Variants in EYS observed in about 807,000 individuals in gnomAD.
EYS encodes EGF-like photoreceptor maintenance factor, also known as protein eyes shut homolog.
EYS carries 250 observed loss-of-function variants against 282.1 expected under a neutral mutation model. The ratio of observed to expected loss-of-function variants is 0.89; its 90% CI spans 0.80 to 0.98. EYS has a LOEUF of 0.98. Among genes scored for constraint, EYS ranks in the 50% least tolerant of loss-of-function variants. EYS has a pLI of 0.00. For missense variants in EYS, 4,016 were observed against 3,709.0 expected, an observed-to-expected ratio of 1.08 and a Z score of -2.15; for synonymous variants, 1,355 against 1,282.9, an observed-to-expected ratio of 1.06 and a Z score of -1.20.
At chr6:65,613,696 A>G (rs1448889000) in intron 2 of EYS, among the ~76,000 whole-genome samples, 2 of 151,898 alleles carry the variant, frequency 1.3e-5, no homozygotes, top group Non-Finnish European at 3.0e-5. Flanking sequence ...CCATGTGTAC[A>G]ACAGAATGTA....
At chr6:64,114,825 G>A (rs1773320970) in intron 31 of EYS, among the ~76,000 whole-genome samples, 1 of 152,054 alleles carries the variant, frequency 6.6e-6, no homozygotes, top group Non-Finnish European at 1.5e-5. Context: ...GTAACCAAGA[G>A]CTGCTATAGT....
At chr6:65,567,842 C>A (rs1413810572) in intron 2 of EYS, among the ~76,000 whole-genome samples, 1 of 152,036 alleles carries the variant, frequency 6.6e-6, no homozygotes, top group African/African-American at 2.4e-5. Context: ...TCTCTGGACC[C>A]TTAACTGAAC....
intron 12 of EYS, among the ~76,000 whole-genome samples, chr6:65,218,005 T>C (rs113160447): frequency 0.011 from 1,632 of 152,202 alleles, 32 homozygotes; most frequent in African/African-American, 0.037. Flanking sequence ...TGGTAACCTT[T>C]ACTGAGGATG....
At chr6:65,017,016 A>C (rs1772077850) in intron 13 of EYS, among the ~76,000 whole-genome samples, 1 of 152,166 alleles carries the variant, frequency 6.6e-6, no homozygotes, top group Non-Finnish European at 1.5e-5. Context: ...TAGAAATTTT[A>C]TGTAAACCAA....
chr6:63,986,597 TA>T (rs1767378975), intron 34 of EYS, among the ~76,000 whole-genome samples: 1 of 151,650 alleles, frequency 6.6e-6, no homozygotes, highest in African/African-American at 2.4e-5. Flanking sequence ...TATGCAGCCA[TA>T]AAAAAGAATG....
chr6:64,493,514 T>C (rs142689554), intron 26 of EYS, among the ~76,000 whole-genome samples: 2 of 151,740 alleles, frequency 1.3e-5, no homozygotes, highest in Non-Finnish European at 3.0e-5. Flanking sequence ...GTACTTTACA[T>C]ATAGATGATC....
rs368792356 is a variant in EYS at position 64,813,363 on chromosome 6, T to C, written c.3443+15A>G. On this transcript the variant is annotated intron_variant, in intron 22 of 42. Transcript: ENST00000503581. The stretch of plus-strand genomic sequence containing the variant: ...AAATATATATTTACTTACTTGTGGG[T>C]AAATAAATACTGACCTGCAGTCAAA... 7 of 1,529,780 alleles carry C rather than the reference T, an allele frequency of 4.6e-6. No homozygotes were observed. Among genetic ancestry groups the C allele is most frequent in the Admixed American group, 2.1e-5 (1 of 47,622 alleles). The allele number at this position is 1,529,780 out of a possible 1,614,324, so 94.8% of individuals were successfully genotyped here.
At chr6:64,319,362 T>G (rs921653246) in intron 29 of EYS, among the ~76,000 whole-genome samples, 1 of 151,864 alleles carries the variant, frequency 6.6e-6, no homozygotes, top group Non-Finnish European at 1.5e-5. Flanking sequence ...AAAAATGAGA[T>G]TCTTAAATCT....
intron 36 of EYS, among the ~76,000 whole-genome samples, chr6:63,848,233 A>T (rs1772150187): frequency 6.6e-6 from 1 of 152,136 alleles, no homozygotes; most frequent in African/African-American, 2.4e-5. Flanking sequence ...TTCTGCATCC[A>T]TAGTCTTAAA....
At chr6:65,462,042 TAACTC>T (rs1366120703) in intron 5 of EYS, among the ~76,000 whole-genome samples, 1 of 152,044 alleles carries the variant, frequency 6.6e-6, no homozygotes, top group Non-Finnish European at 1.5e-5. Context: ...AAAATGGAAA[TAACTC>T]AAATGTCTTT....
rs549374648 is a variant in EYS, at chr6:64,112,811, A to C, written c.6425-30809T>G. Among the ~76,000 whole-genome samples, 99 of 149,818 alleles carry C rather than the reference A, an allele frequency of 6.6e-4. 1 individual carries two copies. Among genetic ancestry groups the C allele is most frequent in the Non-Finnish European group, 1.0e-3 (70 of 67,282 alleles). ...ATCTATAATATCTATATATCTCTCT[A>C]TATATATCTTCAGGAAATTTGATTC... On this transcript the variant is annotated intron_variant, in intron 31 of 42. Transcript: ENST00000503581.
At chr6:65,425,881 G>A (rs1767640646) in intron 5 of EYS, among the ~76,000 whole-genome samples, 1 of 152,046 alleles carries the variant, frequency 6.6e-6, no homozygotes, top group Admixed American at 6.6e-5. Flanking sequence ...AGAAATTTTA[G>A]GTGTTTTTCA....
chr6:65,032,966 T>G (rs975530745), intron 13 of EYS, among the ~76,000 whole-genome samples: 7 of 152,192 alleles, frequency 4.6e-5, no homozygotes, highest in African/African-American at 1.7e-4. Context: ...AGGTCTCAGA[T>G]GGAAATGACG....
intron 22 of EYS, among the ~76,000 whole-genome samples, chr6:64,779,345 T>G (rs528711985): frequency 6.6e-6 from 1 of 151,896 alleles, no homozygotes; most frequent in Non-Finnish European, 1.5e-5. Context: ...AAAAATGACA[T>G]GGAGGACACT....
At chr6:64,223,465 A>G (rs918878690) in intron 31 of EYS, among the ~76,000 whole-genome samples, 1 of 151,998 alleles carries the variant, frequency 6.6e-6, no homozygotes, top group African/African-American at 2.4e-5. Flanking sequence ...AAGTATATAC[A>G]ACTCAATATA....
At chr6:64,305,304 G>GA (rs1460332778) in intron 30 of EYS, among the ~76,000 whole-genome samples, 29 of 149,884 alleles carry the variant, frequency 1.9e-4, no homozygotes, top group Non-Finnish European at 3.0e-4. Context: ...TTATGAATTG[G>GA]AAAAAAGTGA....
At chr6:64,896,914 T>C (rs1017782050) in intron 18 of EYS, among the ~76,000 whole-genome samples, 2 of 152,062 alleles carry the variant, frequency 1.3e-5, no homozygotes, top group African/African-American at 4.8e-5. Context: ...AGATACCTCC[T>C]CTCTGGGCAG....
chr6:64,913,652 C>T (rs1414401737), intron 15 of EYS, among the ~76,000 whole-genome samples: 2 of 151,968 alleles, frequency 1.3e-5, no homozygotes, highest in Non-Finnish European at 2.9e-5. Flanking sequence ...TTATCCAGTC[C>T]ACCGTTGATA....
At chr6:63,779,906 C>T (rs1188698108) in intron 39 of EYS, among the ~76,000 whole-genome samples, 1 of 152,126 alleles carries the variant, frequency 6.6e-6, no homozygotes, top group East Asian at 1.9e-4. Flanking sequence ...ACTCCCCCGA[C>T]CCCATGACAG....
Sources: gnomAD v4.1 joint callset for allele counts (sites outside exome capture counted in the v4.1 genomes callset) on GRCh38, gnomAD v4.1.1 for gene constraint, MANE v1.5 for transcripts, NCBI Gene and HGNC (gene_info 2026-07-23, HGNC 2026-07-21) for gene names.